The following CDH17 variants were observed in gnomAD, a reference collection of about 807,000 sequenced individuals.
The protein encoded by CDH17 is cadherin 17, also known as cadherin-17.
A neutral mutation model predicts 86.3 loss-of-function variants in CDH17; 67 were observed. The ratio of observed to expected loss-of-function variants is 0.78; its 90% CI spans 0.64 to 0.95. The LOEUF (loss-of-function observed/expected upper bound fraction) is 0.95. Ranked by LOEUF, CDH17 falls within the 40% of genes least tolerant of loss-of-function variation. CDH17 has a pLI of 0.00. For missense variants in CDH17, 993 were observed against 1,017.6 expected (o/e 0.98, Z 0.33); for synonymous variants, 367 against 366.4 (o/e 1.00, Z -0.02).
At chr8:94,179,566 AC>A (rs1813439140) in intron 3 of CDH17, among the ~76,000 whole-genome samples, 1 of 152,160 alleles carries the variant, frequency 6.6e-6, no homozygotes, top group South Asian at 2.1e-4. Context: ...CCTCTGGCTG[AC>A]TTGGAGGCTC....
intron 3 of CDH17, among the ~76,000 whole-genome samples, chr8:94,180,294 C>T (rs553574604): frequency 1.1e-3 from 171 of 151,652 alleles, no homozygotes; most frequent in Middle Eastern, 6.8e-3. Flanking sequence ...AGTGAAACAC[C>T]ATCAAGCAGA....
upstream of CDH17, among the ~76,000 whole-genome samples, chr8:94,210,255 G>C (rs78476248): frequency 8.7e-5 from 5 of 57,364 alleles, no homozygotes; most frequent in East Asian, 1.2e-3. Context: ...AAAAAAAAAA[G>C]TCCAAGGGCA....
At chr8:94,147,246 T>C (rs1426053075) in intron 14 of CDH17, among the ~76,000 whole-genome samples, 1 of 152,148 alleles carries the variant, frequency 6.6e-6, no homozygotes, top group African/African-American at 2.4e-5. Flanking sequence ...AAGAGTTAAA[T>C]GTATACAATG....
chr8:94,185,682 T>C (rs1813565177), intron 3 of CDH17, among the ~76,000 whole-genome samples: 1 of 152,166 alleles, frequency 6.6e-6, no homozygotes, highest in Admixed American at 6.6e-5. Flanking sequence ...ACAAATATGT[T>C]TTATTTAGCT....
intron 1 of CDH17, among the ~76,000 whole-genome samples, chr8:94,207,130 A>G (rs929318033): frequency 6.6e-6 from 1 of 152,186 alleles, no homozygotes; most frequent in Non-Finnish European, 1.5e-5. Flanking sequence ...AGCAAAACCA[A>G]TAGTTTTATT....
chr8:94,186,571 A>G (rs1813584371), intron 3 of CDH17, among the ~76,000 whole-genome samples: 1 of 152,138 alleles, frequency 6.6e-6, no homozygotes, highest in African/African-American at 2.4e-5. Context: ...ATCACCCACC[A>G]AAGACCCTAA....
intron 5 of CDH17, among the ~76,000 whole-genome samples, 190 bp downstream of exon 5, chr8:94,176,351 T>C (rs1028636035): frequency 2.0e-5 from 3 of 152,174 alleles, no homozygotes; most frequent in Non-Finnish European, 4.4e-5. Context: ...AAGATGTCAA[T>C]ACATAGTGCT....
At chr8:94,176,822 G>A (rs1813383891) in intron 4 of CDH17, 143 bp from the exon 5 acceptor site, 1 of 735,890 alleles carries the variant, frequency 1.4e-6, no homozygotes, top group South Asian at 2.0e-5. Flanking sequence ...GGCCAAATTG[G>A]GAAATGCTAA....
At chr8:94,200,102 C>G (rs1028234802) in intron 1 of CDH17, among the ~76,000 whole-genome samples, 1 of 152,100 alleles carries the variant, frequency 6.6e-6, no homozygotes, top group African/African-American at 2.4e-5. Context: ...AGCCTTTACC[C>G]GAATGATTCA....
At chr8:94,173,259 C>T (rs973747215) in intron 7 of CDH17, among the ~76,000 whole-genome samples, 4 of 152,046 alleles carry the variant, frequency 2.6e-5, no homozygotes, top group Admixed American at 1.3e-4. Context: ...GAGGTGAGGC[C>T]CAGTGGGAGG....
At chr8:94,194,247 G>C (rs190502495) in intron 2 of CDH17, among the ~76,000 whole-genome samples, 7 of 152,292 alleles carry the variant, frequency 4.6e-5, no homozygotes, top group Middle Eastern at 3.4e-3. Flanking sequence ...TGCTTTTCTT[G>C]ATGTTTTGGT....
intron 9 of CDH17, among the ~76,000 whole-genome samples, chr8:94,168,132 A>ACG (rs1813197215): frequency 1.5e-5 from 1 of 67,968 alleles, no homozygotes; most frequent in African/African-American, 5.6e-5. Context: ...ATATATATAT[A>ACG]TATATATATA....
intron 1 of CDH17, 124 bp downstream of exon 1, chr8:94,208,359 T>A (rs1439001840): frequency 6.6e-6 from 1 of 152,184 alleles, no homozygotes; most frequent in African/African-American, 2.4e-5. Context: ...CTTCTCCGCA[T>A]CTGCATAGCC....
intron 1 of CDH17, among the ~76,000 whole-genome samples, chr8:94,204,506 A>G (rs1363500287): frequency 6.6e-6 from 1 of 152,152 alleles, no homozygotes; most frequent in African/African-American, 2.4e-5. Context: ...ATAGTATTCC[A>G]TGGTGTATAT....
At chr8:94,199,083 A>ATATATATT (rs1283889347) in intron 1 of CDH17, among the ~76,000 whole-genome samples, 12 of 23,226 alleles carry the variant, frequency 5.2e-4, no homozygotes, top group African/African-American at 1.2e-3. Flanking sequence ...ATATATATAT[A>ATATATATT]TTTTTTTTTT....
rs562417844 is a variant in CDH17 at position 94,173,439 on chromosome 8, C to T, written c.783+358G>A. ...ATATGATGCTCCTGCTCCCCCTTTGCCTTCTGCCATGATCGTAATTTTCCC... is the reference window on the plus strand; with the variant it reads ...ATATGATGCTCCTGCTCCCCCTTTGTCTTCTGCCATGATCGTAATTTTCCC... On this transcript the variant is annotated intron_variant, in intron 7 of 17. Coordinates refer to ENST00000027335, the MANE Select transcript of CDH17 (RefSeq NM_004063.4). 1.9e-4 allele frequency among the ~76,000 whole-genome samples: 29 copies of T among 152,274 alleles called. No homozygotes were observed. In the East Asian group the frequency reaches 4.8e-3, roughly 25 times the overall value.
At chr8:94,204,867 C>A (rs1160375218) in intron 1 of CDH17, among the ~76,000 whole-genome samples, 1 of 152,120 alleles carries the variant, frequency 6.6e-6, no homozygotes, top group Non-Finnish European at 1.5e-5. Context: ...GGAAGGGGGG[C>A]CAGAGCAGTC....
chr8:94,139,314 T>C (rs565071221), intron 15 of CDH17, among the ~76,000 whole-genome samples: 5 of 151,612 alleles, frequency 3.3e-5, no homozygotes, highest in Non-Finnish European at 7.4e-5. Flanking sequence ...AGAAAAAAAA[T>C]AAGCTTTGAG....
upstream of CDH17, among the ~76,000 whole-genome samples, chr8:94,212,643 G>A (rs1485474635): frequency 6.6e-6 from 1 of 152,068 alleles, no homozygotes; most frequent in Non-Finnish European, 1.5e-5. Flanking sequence ...TTAGCTGACA[G>A]CCACCTTGCG....
Sources: gnomAD v4.1 joint callset for allele counts (sites outside exome capture counted in the v4.1 genomes callset) on GRCh38, gnomAD v4.1.1 for gene constraint, MANE v1.5 for transcripts, NCBI Gene and HGNC (gene_info 2026-07-23, HGNC 2026-07-21) for gene names.